LINGO2: variants seen among roughly 807,000 people sequenced by gnomAD.
LINGO2 encodes leucine rich repeat and Ig domain containing 2.
In LINGO2, 14 loss-of-function variants were observed where a neutral mutation model predicts 30.6. That is an observed-to-expected ratio of 0.46 (90% confidence interval 0.30 to 0.72). The LOEUF (loss-of-function observed/expected upper bound fraction) is 0.72, where lower values mean the gene tolerates loss of function less well. Ranked by LOEUF, LINGO2 falls within the 30% of genes least tolerant of loss-of-function variation. The pLI is 0.07. For synonymous variants in LINGO2, 317 were observed against 288.5 expected (o/e 1.10, Z -1.00); for missense variants, 729 against 751.7 (o/e 0.97, Z 0.35).
the LINGO2 span, among the ~76,000 whole-genome samples, chr9:28,714,855 G>T: frequency 4.3e-4 from 65 of 151,900 alleles, no homozygotes; most frequent in Non-Finnish European, 6.2e-4. Flanking sequence ...TTATTATGTA[G>T]GTAGAAATTC....
At chr9:28,309,709 C>T (rs1187048659) in intron 3 of LINGO2, among the ~76,000 whole-genome samples, 2 of 150,826 alleles carry the variant, frequency 1.3e-5, no homozygotes, top group African/African-American at 4.9e-5. Flanking sequence ...TTGTGAAAAC[C>T]AATTTTAAGA....
the LINGO2 span, among the ~76,000 whole-genome samples, chr9:29,204,227 C>T: frequency 3.3e-5 from 5 of 152,172 alleles, no homozygotes; most frequent in Admixed American, 1.3e-4. Context: ...TTGGATTAAT[C>T]TATTATAAAA....
chr9:29,181,622 G>C, the LINGO2 span, among the ~76,000 whole-genome samples: 3 of 152,150 alleles, frequency 2.0e-5, no homozygotes, highest in Non-Finnish European at 4.4e-5. Flanking sequence ...GAAGGAAAAA[G>C]AGAAGAGGCA....
chr9:28,202,939 T>C lies in LINGO2; in HGVS notation c.-87+92269A>G, dbSNP rs79595695. Among the ~76,000 whole-genome samples, 1,000 of 152,312 alleles carry C rather than the reference T, an allele frequency of 6.6e-3. 12 individuals are homozygous for C. Among genetic ancestry groups the C allele is most frequent in the African/African-American group, 0.022 (909 of 41,572 alleles). ...ACAAGTGACACAGGCTTATTGTGAA[T>C]AGAATGTAAACTCTGTAAAGCAGGG... is the stretch of plus-strand genomic sequence containing the variant. On this transcript the variant is annotated intron_variant, in intron 4 of 5. Coordinates refer to ENST00000379992, the Ensembl canonical transcript of LINGO2.
chr9:28,880,561 A>T, the LINGO2 span, among the ~76,000 whole-genome samples: 1 of 152,186 alleles, frequency 6.6e-6, no homozygotes, highest in East Asian at 1.9e-4. Flanking sequence ...GTATTGTCCA[A>T]GGTTTCTCCC....
chr9:28,848,242 CTA>C, the LINGO2 span, among the ~76,000 whole-genome samples: 2 of 106,262 alleles, frequency 1.9e-5, no homozygotes, highest in Non-Finnish European at 3.7e-5. Flanking sequence ...TATATACACA[CTA>C]TATATACGCA....
chr9:28,214,426 G>A (rs4007443), intron 4 of LINGO2, among the ~76,000 whole-genome samples: 5,021 of 151,586 alleles, frequency 0.033, 268 homozygotes, highest in African/African-American at 0.11. Context: ...CTGTCTACCC[G>A]AAGAAAATTT....
chr9:28,986,932 A>AT, the LINGO2 span, among the ~76,000 whole-genome samples: 1 of 151,886 alleles, frequency 6.6e-6, no homozygotes. Context: ...ATTTTATTTT[A>AT]TTTTTTGTAG....
intron 2 of LINGO2, among the ~76,000 whole-genome samples, chr9:28,377,145 T>C (rs530688481): frequency 2.6e-5 from 4 of 152,276 alleles, no homozygotes; most frequent in South Asian, 2.1e-4. Context: ...GATGCACTTA[T>C]ACATGGAAAT....
At chr9:28,087,318 C>T (rs998889026) in intron 4 of LINGO2, among the ~76,000 whole-genome samples, 4 of 152,120 alleles carry the variant, frequency 2.6e-5, no homozygotes, top group Non-Finnish European at 4.4e-5. Context: ...TGTTATACAG[C>T]ATTTTTGTAA....
chr9:28,973,345 A>C, the LINGO2 span, among the ~76,000 whole-genome samples: 1 of 152,222 alleles, frequency 6.6e-6, no homozygotes, highest in Non-Finnish European at 1.5e-5. Flanking sequence ...CAGAGTTTTC[A>C]GTTGGAACCT....
chr9:28,431,072 A>AG (rs1554720257), intron 2 of LINGO2, among the ~76,000 whole-genome samples: 3 of 74,614 alleles, frequency 4.0e-5, no homozygotes, highest in African/African-American at 1.6e-4. Context: ...GAGAGAGAGA[A>AG]ACTCAAGGCA....
At chr9:28,237,463 T>C (rs935282865) in intron 4 of LINGO2, among the ~76,000 whole-genome samples, 1 of 151,594 alleles carries the variant, frequency 6.6e-6, no homozygotes, top group African/African-American at 2.4e-5. Flanking sequence ...AATAATAACA[T>C]CGAATGTAAA....
intron 1 of LINGO2, among the ~76,000 whole-genome samples, chr9:28,656,900 G>C (rs1426207945): frequency 6.6e-6 from 1 of 151,984 alleles, no homozygotes; most frequent in Non-Finnish European, 1.5e-5. Flanking sequence ...CTCTCTCCTA[G>C]ATCGTGCACA....
rs181775429 is a variant in LINGO2 at position 27,987,921 on chromosome 9, G to C, written c.-36+24434C>G. On this transcript the variant is annotated intron_variant, in intron 5 of 5. Coordinates refer to ENST00000379992, the Ensembl canonical transcript of LINGO2. ...CACAATGTGCAGGTTTGTTACATATGCATAATGTGCCATGTTGGCGTGCTG... is the reference window on the plus strand; with the variant it reads ...CACAATGTGCAGGTTTGTTACATATCCATAATGTGCCATGTTGGCGTGCTG... Among the ~76,000 whole-genome samples, 622 of 152,110 alleles carry C rather than the reference G, an allele frequency of 4.1e-3. 2 individuals carry two copies. Among genetic ancestry groups the C allele is most frequent in the African/African-American group, 0.014 (593 of 41,536 alleles).
At chr9:28,407,564 A>C (rs1356567576) in intron 2 of LINGO2, among the ~76,000 whole-genome samples, 1 of 152,138 alleles carries the variant, frequency 6.6e-6, no homozygotes, top group Non-Finnish European at 1.5e-5. Context: ...CAACTTAAGA[A>C]AGGAAGCTTG....
rs140179165 is a variant in LINGO2 at position 28,038,367 on chromosome 9, C to T, written c.-86-25962G>A. On this transcript the variant is annotated intron_variant, in intron 4 of 5. Transcript: ENST00000379992. ...CATATATTATACAACATTATAGAGA[C>T]GTGCACCTGCTCATATTCATAAATT... 3.4e-3 allele frequency among the ~76,000 whole-genome samples: 511 copies of T among 152,254 alleles called. 7 individuals carry two copies. The highest frequency in any genetic ancestry group is 0.01 in the Middle Eastern group (3 of 294).
the LINGO2 span, among the ~76,000 whole-genome samples, chr9:28,769,498 ATATATATATATATATATATATTTTTTTT>A: frequency 2.3e-4 from 2 of 8,520 alleles, no homozygotes; most frequent in Admixed American, 2.7e-3. Flanking sequence ...ATATATATAT[ATATATATATATATATATATATTTTTTTT>A]TTTTTTTTTT....
chr9:28,323,874 T>C (rs1021208319), intron 3 of LINGO2, among the ~76,000 whole-genome samples: 4 of 152,148 alleles, frequency 2.6e-5, no homozygotes, highest in East Asian at 1.9e-4. Flanking sequence ...CATGGTATTA[T>C]AACAGAAATT....
Sources: allele counts gnomAD v4.1 joint callset (sites outside exome capture counted in the v4.1 genomes callset), GRCh38; gene constraint gnomAD v4.1.1; transcripts MANE v1.5; gene names NCBI Gene and HGNC (gene_info 2026-07-23, HGNC 2026-07-21).